PLEKHA1: variants seen among roughly 807,000 people sequenced by gnomAD.
PLEKHA1 encodes the protein pleckstrin homology domain-containing family A member 1.
Under a neutral mutation model 52.0 loss-of-function variants are expected in PLEKHA1, and 34 were observed. The ratio of observed to expected loss-of-function variants is 0.65; its 90% confidence interval spans 0.50 to 0.87. The LOEUF (loss-of-function observed/expected upper bound fraction) is 0.87. Ranked by LOEUF, PLEKHA1 falls within the 40% of genes least tolerant of loss-of-function variation. The pLI, the probability that PLEKHA1 is intolerant of heterozygous loss-of-function variation, is 0.00. For synonymous variants in PLEKHA1, 163 were observed against 170.7 expected (o/e 0.95, Z 0.35); for missense variants, 497 against 504.2 (o/e 0.99, Z 0.14).
At chr10:122,381,310 G>C (rs1565112262) in intron 1 of PLEKHA1, among the ~76,000 whole-genome samples, 1 of 152,128 alleles carries the variant, frequency 6.6e-6, no homozygotes. Context: ...TTTGCTGATG[G>C]ATTGGACATG....
intron 4 of PLEKHA1, among the ~76,000 whole-genome samples, chr10:122,403,776 C>T (rs1013434338): frequency 1.3e-5 from 2 of 152,146 alleles, no homozygotes; most frequent in African/African-American, 2.4e-5. Context: ...ACTGCAACCT[C>T]CACCTCCTGG....
chr10:122,424,861 C>T, intron 9 of PLEKHA1, 35 bp from the exon 10 acceptor site: 3 of 1,544,138 alleles, frequency 1.9e-6, no homozygotes, highest in Non-Finnish European at 2.7e-6. Context: ...CAAACAACTG[C>T]TATTTAAGTA....
chr10:122,438,719 T>C, the PLEKHA1 span: 4 of 152,196 alleles, frequency 2.6e-5, no homozygotes, highest in East Asian at 3.8e-4. Context: ...CTGATAACTG[T>C]AGTCATTTTT....
the PLEKHA1 span, chr10:122,440,722 G>C: frequency 6.6e-6 from 1 of 152,240 alleles, no homozygotes; most frequent in African/African-American, 2.4e-5. Flanking sequence ...AAAAGCCAAA[G>C]ACTTCAAAAT....
chr10:122,418,273 T>C (rs2097207540), intron 8 of PLEKHA1: 2 of 233,246 alleles, frequency 8.6e-6, no homozygotes, highest in Non-Finnish European at 1.7e-5. Context: ...CCACGTGGAG[T>C]AGGGAGAGAA....
At position 122,393,678 on chromosome 10, in the gene PLEKHA1, T is replaced by G. The variant is rs1033962874; in HGVS notation, c.141+337T>G. Among the ~76,000 whole-genome samples the G allele has an allele frequency of 1.3e-5, 2 of 152,138 alleles. No homozygotes were observed. The highest frequency in any genetic ancestry group is 6.6e-5 in the Admixed American group (1 of 15,256). On this transcript the variant is annotated intron_variant, in intron 2 of 11. Transcript: ENST00000368990. This position sits in a 1 kb window ranked among gnomAD's most constrained non-coding sequence, Gnocchi z 4.5. ...AGCTGTCCCAAAAATAAGAAATACT[T>G]TTTTTGTAACATGTATTTCAAACAA...
chr10:122,442,348 T>G, the PLEKHA1 span: 32 of 150,994 alleles, frequency 2.1e-4, no homozygotes, highest in African/African-American at 7.8e-4. Flanking sequence ...AGCCTTAATG[T>G]TTTTTTTTCT....
At chr10:122,415,669 G>C (rs1429226647) in intron 6 of PLEKHA1, among the ~76,000 whole-genome samples, 190 bp from the exon 7 acceptor site, 6 of 152,162 alleles carry the variant, frequency 3.9e-5, no homozygotes, top group Non-Finnish European at 7.4e-5. Flanking sequence ...AAAACAAGAG[G>C]AATGGAAATT....
At chr10:122,408,576 T>A (rs961942936) in intron 5 of PLEKHA1, among the ~76,000 whole-genome samples, 1 of 152,178 alleles carries the variant, frequency 6.6e-6, no homozygotes, top group African/African-American at 2.4e-5. Flanking sequence ...AATAAAGTGG[T>A]TATAACTGCA....
intron 3 of PLEKHA1, among the ~76,000 whole-genome samples, 197 bp downstream of exon 3, chr10:122,398,171 C>T (rs1329208624): frequency 1.3e-5 from 2 of 151,990 alleles, no homozygotes; most frequent in East Asian, 1.9e-4. Context: ...TTTTAACTTA[C>T]AGGATGTGGC....
chr10:122,404,211 A>G (rs541848473), intron 4 of PLEKHA1, among the ~76,000 whole-genome samples: 1 of 152,300 alleles, frequency 6.6e-6, no homozygotes, highest in South Asian at 2.1e-4. Context: ...TGCATAAGCT[A>G]GTCAGGTTGG....
intron 6 of PLEKHA1, 108 bp downstream of exon 6, chr10:122,413,153 T>C (rs1484585155): frequency 1.0e-6 from 1 of 960,162 alleles, no homozygotes; most frequent in Non-Finnish European, 1.4e-6. Flanking sequence ...TAATATACAA[T>C]TACTATAAAA....
At chr10:122,434,881 C>T (rs2097432783), downstream of PLEKHA1, 1 of 151,396 alleles carries the variant, frequency 6.6e-6, no homozygotes, top group Non-Finnish European at 1.5e-5. Context: ...ATCCATGTCC[C>T]TACAAAGGAC....
chr10:122,424,814 C>T (rs777751994), intron 9 of PLEKHA1, 82 bp from the exon 10 acceptor site: 25 of 1,026,760 alleles, frequency 2.4e-5, no homozygotes, highest in Non-Finnish European at 3.2e-5. Context: ...TTTATTGACG[C>T]ATACTGGGTA....
chr10:122,416,063 A>C, intron 7 of PLEKHA1, 61 bp downstream of exon 7: 1 of 1,490,058 alleles, frequency 6.7e-7, no homozygotes, highest in Non-Finnish European at 9.0e-7. Context: ...GCAAACTCAA[A>C]TTAACATGGA....
chr10:122,394,115 C>T (rs10887147), intron 2 of PLEKHA1, among the ~76,000 whole-genome samples: 15,424 of 133,672 alleles, frequency 0.12, 1,286 homozygotes, highest in Non-Finnish European at 0.17. Flanking sequence ...TCTCTTATCA[C>T]CCAGGCTGGA....
chr10:122,378,350 A>G (rs1249499242), intron 1 of PLEKHA1, among the ~76,000 whole-genome samples: 2 of 152,114 alleles, frequency 1.3e-5, no homozygotes, highest in African/African-American at 2.4e-5. Context: ...CACTGCCTTT[A>G]ACTGTATTTT....
At chr10:122,385,424 TCTC>T (rs1233217034) in intron 1 of PLEKHA1, among the ~76,000 whole-genome samples, 1 of 149,704 alleles carries the variant, frequency 6.7e-6, no homozygotes, top group African/African-American at 2.5e-5. Context: ...TTCAAGCAAT[TCTC>T]CTGCCTCAGC....
At chr10:122,435,442 A>G (rs1412938114), downstream of PLEKHA1, 3 of 152,172 alleles carry the variant, frequency 2.0e-5, no homozygotes, top group Non-Finnish European at 4.4e-5. Context: ...TGGTTATATC[A>G]TTGCTAAATT....
Sources: allele counts gnomAD v4.1 joint callset (sites outside exome capture counted in the v4.1 genomes callset), GRCh38; gene constraint gnomAD v4.1.1; non-coding constraint Gnocchi (gnomAD v3.1); transcripts MANE v1.5; gene names NCBI Gene and HGNC (gene_info 2026-07-23, HGNC 2026-07-21).